The following ACO1 variants were observed in gnomAD, a reference collection of about 807,000 sequenced individuals.
ACO1 encodes the protein cytoplasmic aconitate hydratase.
ACO1 carries 78 observed loss-of-function variants against 105.1 expected under a neutral mutation model. The ratio of observed to expected loss-of-function variants is 0.74; its 90% CI spans 0.62 to 0.90. The LOEUF (loss-of-function observed/expected upper bound fraction) is 0.90, where lower values mean the gene tolerates loss of function less well. Ranked by LOEUF, ACO1 falls within the 40% of genes least tolerant of loss-of-function variation. The pLI is 0.00. For synonymous variants in ACO1, 364 were observed against 397.4 expected, an observed-to-expected ratio of 0.92 and a Z score of 1.00; for missense variants, 965 against 1,111.1, an observed-to-expected ratio of 0.87 and a Z score of 1.87.
chr9:32,438,883 A>T (rs1822419505), intron 18 of ACO1, among the ~76,000 whole-genome samples: 1 of 152,238 alleles, frequency 6.6e-6, no homozygotes, highest in Non-Finnish European at 1.5e-5. Flanking sequence ...AAAGTAGAAT[A>T]TTGACAGATA....
chr9:32,433,689 T>A, intron 15 of ACO1, 39 bp from the exon 16 acceptor site: 1 of 1,469,278 alleles, frequency 6.8e-7, no homozygotes. Flanking sequence ...TTCTCTGGAA[T>A]GGGATGTGAT....
Position 32,397,012 on chromosome 9 carries a change from A to G in ACO1, c.-22-8473A>G, listed in dbSNP as rs77970669. Reference sequence around the variant, plus strand: ...TAAAATCTTGACATATATATAGCACATTCTGGTCAGTTATCCAGGATGAGA... The same window carrying G: ...TAAAATCTTGACATATATATAGCACGTTCTGGTCAGTTATCCAGGATGAGA... On this transcript the variant is annotated intron_variant, in intron 1 of 20. Transcript: ENST00000309951. Among the ~76,000 whole-genome samples the G allele has an allele frequency of 5.0e-3, 762 of 152,188 alleles. 7 individuals carry two copies. Among genetic ancestry groups the G allele is most frequent in the African/African-American group, 0.017 (712 of 41,486 alleles).
chr9:32,447,501 G>A (rs1397174162), intron 19 of ACO1, among the ~76,000 whole-genome samples: 2 of 152,004 alleles, frequency 1.3e-5, no homozygotes, highest in Non-Finnish European at 2.9e-5. Context: ...TCCTTACATT[G>A]GGTTAAAACA....
intron 19 of ACO1, among the ~76,000 whole-genome samples, chr9:32,446,402 T>G (rs1374389864): frequency 6.6e-6 from 1 of 152,220 alleles, no homozygotes; most frequent in African/African-American, 2.4e-5. Flanking sequence ...GAGACTAGGA[T>G]TGCAACCCCT....
rs1331557480 is a variant in ACO1, at chr9:32,420,889, G to A, written c.832G>A (p.Val278Ile). 1 of 1,613,942 alleles carries A rather than the reference G, an allele frequency of 6.2e-7. No homozygotes were observed. Among genetic ancestry groups the A allele is most frequent in the Non-Finnish European group, 8.5e-7 (1 of 1,179,856 alleles). The part of the protein sequence containing the change: ...LRQVGVVGKF[V>I]EFFGPGVAQL... ...CCAGGTTGGGGTAGTGGGCAAATTT[G>A]TCGAGTTCTTCGGGCCTGGAGTAGC... Residue 278 changes from valine to isoleucine, a missense_variant, in exon 8 of 21, where the codon GTC becomes ATC. Physicochemically the swap from Val to Ile is conservative, Grantham distance 29. Coordinates refer to ENST00000309951, the MANE Select transcript of ACO1 (RefSeq NM_002197.3).
At chr9:32,402,852 G>T (rs1188377784) in intron 1 of ACO1, among the ~76,000 whole-genome samples, 1 of 152,142 alleles carries the variant, frequency 6.6e-6, no homozygotes, top group Non-Finnish European at 1.5e-5. Flanking sequence ...AGTCCTCTAG[G>T]CTTATATGGA....
chr9:32,406,946 G>A (rs1000474148), intron 2 of ACO1, among the ~76,000 whole-genome samples: 2 of 152,154 alleles, frequency 1.3e-5, no homozygotes, highest in African/African-American at 4.8e-5. Context: ...ACAATGCCCA[G>A]CTAAGTTTTT....
At chr9:32,402,862 A>C (rs1821526994) in intron 1 of ACO1, among the ~76,000 whole-genome samples, 1 of 152,158 alleles carries the variant, frequency 6.6e-6, no homozygotes, top group Non-Finnish European at 1.5e-5. Flanking sequence ...GCTTATATGG[A>C]GGGCCTGTTT....
chr9:32,414,676 G>A (rs1821811748), intron 4 of ACO1, among the ~76,000 whole-genome samples: 1 of 152,160 alleles, frequency 6.6e-6, no homozygotes, highest in South Asian at 2.1e-4. Context: ...GGTGCTGGAG[G>A]GTGGAAGATC....
chr9:32,454,048 A>G lies in ACO1; in HGVS notation c.*3937A>G, dbSNP rs1226504896. The G allele has an allele frequency of 6.6e-6, 1 of 152,234 alleles. No homozygotes were observed. The highest frequency in any genetic ancestry group is 1.5e-5 in the Non-Finnish European group (1 of 68,030). The allele number at this position is 152,234 out of a possible 1,614,324, so 9.4% of individuals were successfully genotyped here. A position where few individuals can be genotyped will look rare whatever the true frequency, so the allele number is the denominator to read the frequency against. On this transcript the variant is annotated 3_prime_UTR_variant, in exon 21 of 21. Transcript: ENST00000309951. ...AATTTGGTTCTGGTTGTCTTATCGT[A>G]TGCAGGCTGGATACCTGCTACTGTG...
At position 32,436,337 on chromosome 9, in the gene ACO1, G is replaced by C. The variant is rs1176477039; in HGVS notation, c.2187G>C (p.Leu729Phe). Residue 729 changes from leucine to phenylalanine, a missense_variant, in exon 18 of 21, where the codon TTG becomes TTC. Transcript: ENST00000309951. The stretch of plus-strand genomic sequence containing the variant: ...GGGGAACATTTGCCAACATTCGCTT[G>C]TTAAACAGATTTTTGAACAAGCAGG... ...MARGTFANIR[L>F]LNRFLNKQAP... 1.2e-6 allele frequency: 2 copies of C among 1,614,038 alleles called. No homozygotes were observed. The highest frequency in any genetic ancestry group is 2.2e-5 in the South Asian group (2 of 91,088).
At chr9:32,440,340 C>T in intron 18 of ACO1, 125 bp from the exon 19 acceptor site, 1 of 929,526 alleles carries the variant, frequency 1.1e-6, no homozygotes, top group Non-Finnish European at 1.6e-6. Context: ...AATTTGTAGA[C>T]AAGATGATTG....
intron 19 of ACO1, among the ~76,000 whole-genome samples, chr9:32,446,692 C>A (rs1822616335): frequency 6.6e-6 from 1 of 152,160 alleles, no homozygotes. Flanking sequence ...ATGGTCTTTA[C>A]AATTTGGTAT....
intron 4 of ACO1, among the ~76,000 whole-genome samples, chr9:32,410,127 T>A (rs1026525897): frequency 1.3e-5 from 2 of 152,076 alleles, no homozygotes; most frequent in Non-Finnish European, 2.9e-5. Context: ...GTATTGGGAG[T>A]GAGTCTTTGG....
At chr9:32,441,146 T>C (rs577079605) in intron 19 of ACO1, among the ~76,000 whole-genome samples, 26 of 152,322 alleles carry the variant, frequency 1.7e-4, no homozygotes, top group Admixed American at 2.6e-4. Flanking sequence ...TATCTGCTTA[T>C]GGGCTCTCGA....
intron 12 of ACO1, among the ~76,000 whole-genome samples, chr9:32,429,182 A>G (rs1822169526): frequency 6.6e-6 from 1 of 152,168 alleles, no homozygotes; most frequent in South Asian, 2.1e-4. Flanking sequence ...CAACTTTTTT[A>G]AATTGTTGCT....
At position 32,421,143 on chromosome 9, in the gene ACO1, A is replaced by G. The variant is rs532294886; in HGVS notation, c.970+116A>G. On this transcript the variant is annotated intron_variant, in intron 8 of 20. Coordinates refer to ENST00000309951, the MANE Select transcript of ACO1 (RefSeq NM_002197.3). The stretch of plus-strand genomic sequence containing the variant: ...AGAAGGCACTGGGTTACAGTTACAC[A>G]ATTATTTTTTTCTCCATGGAGTCAA... 2.4e-5 allele frequency: 28 copies of G among 1,175,598 alleles called. No individual in the cohort carries two copies. The East Asian group carries it at 6.3e-4, about 27-fold the overall frequency. 72.8% of individuals were successfully genotyped at this position (1,175,598 alleles called of 1,614,324 possible).
At chr9:32,437,501 G>A (rs567739775) in intron 18 of ACO1, among the ~76,000 whole-genome samples, 4 of 152,292 alleles carry the variant, frequency 2.6e-5, no homozygotes, top group South Asian at 2.1e-4. Context: ...GATACATGTC[G>A]AATGATGGAA....
chr9:32,385,682 G>C (rs909397373), intron 1 of ACO1, among the ~76,000 whole-genome samples: 1 of 152,188 alleles, frequency 6.6e-6, no homozygotes, highest in African/African-American at 2.4e-5. Context: ...TCTGATAGCT[G>C]CTTCTGCAGT....
Sources: gnomAD v4.1 joint callset for allele counts (sites outside exome capture counted in the v4.1 genomes callset) on GRCh38, gnomAD v4.1.1 for gene constraint, MANE v1.5 for transcripts, NCBI Gene and HGNC (gene_info 2026-07-23, HGNC 2026-07-21) for gene names.